Variants in VPS13C observed in about 807,000 individuals in gnomAD.
The protein encoded by VPS13C is vacuolar protein sorting 13 homolog C.
A neutral mutation model predicts 456.8 loss-of-function variants in VPS13C; 358 were observed. That is an observed-to-expected ratio of 0.78 (90% CI 0.72 to 0.86). The LOEUF (loss-of-function observed/expected upper bound fraction) is 0.86. VPS13C is among the 40% of genes least tolerant of loss of function. The pLI, the probability that VPS13C is intolerant of heterozygous loss-of-function variation, is 0.00. For synonymous variants in VPS13C, 1,578 were observed against 1,486.7 expected (o/e 1.06, Z -1.41); for missense variants, 4,818 against 4,385.4 (o/e 1.10, Z -2.79).
intron 11 of VPS13C, among the ~76,000 whole-genome samples, chr15:62,012,524 T>C (rs553401613): frequency 2.6e-5 from 4 of 152,028 alleles, no homozygotes; most frequent in Admixed American, 6.6e-5. Context: ...AGATAGAAGA[T>C]TGAAATTTAT....
At chr15:61,881,043 G>A (rs1895811231) in intron 71 of VPS13C, 89 bp from the exon 72 acceptor site, 1 of 1,016,488 alleles carries the variant, frequency 9.8e-7, no homozygotes, top group Non-Finnish European at 1.4e-6. Context: ...AAAAGCCACA[G>A]TTATATCTTG....
intron 66 of VPS13C, among the ~76,000 whole-genome samples, chr15:61,906,182 G>A (rs1052268963): frequency 3.3e-5 from 5 of 152,102 alleles, no homozygotes; most frequent in African/African-American, 4.8e-5. Flanking sequence ...CCCCTGTCAT[G>A]TCCACTTGGG....
Position 62,041,324 on chromosome 15 carries a change from C to A in VPS13C, c.187G>T (p.Asp63Tyr), listed in dbSNP as rs745369260. ...VPFKVKAGQI[D>Y]KLTLKIPWKN... is the part of the protein sequence containing the mutation. ...TTCAAATGAAGACTAAAGTACTTAC[C>A]AATTTGGCCAGCCTTGACTTTAAAA... Residue 63 changes from aspartate (D) to tyrosine (Y), a missense_variant and splice_region_variant, in exon 3 of 85, where the codon GAT (aspartate) becomes TAT (tyrosine). Asp to Tyr is a radical substitution (Grantham distance 160). Transcript: ENST00000644861. The A allele has an allele frequency of 6.2e-7, 1 of 1,605,962 alleles. No individual in the cohort carries two copies. Among genetic ancestry groups the A allele is most frequent in the African/African-American group, 1.3e-5 (1 of 74,298 alleles).
intron 57 of VPS13C, among the ~76,000 whole-genome samples, chr15:61,919,742 G>C (rs1471661983): frequency 2.7e-5 from 4 of 150,384 alleles, no homozygotes; most frequent in African/African-American, 9.7e-5. Context: ...TGTCAACACT[G>C]TAAGACTTCT....
intron 43 of VPS13C, 49 bp from the exon 44 acceptor site, chr15:61,946,459 A>T: frequency 7.3e-7 from 1 of 1,373,412 alleles, no homozygotes; most frequent in Non-Finnish European, 1.0e-6. Context: ...CCACATGACT[A>T]AGCCAGTGGT....
chr15:61,941,654 G>T, intron 46 of VPS13C, 109 bp downstream of exon 46: 1 of 1,192,088 alleles, frequency 8.4e-7, no homozygotes, highest in Non-Finnish European at 1.1e-6. Flanking sequence ...ATAATTAGAA[G>T]AAATAAGGAA....
rs1265763092 is a variant in VPS13C at position 61,934,321 on chromosome 15, ATCT to A, written c.5763_5765del (p.Glu1921del). The A allele has an allele frequency of 1.3e-6, 2 of 1,548,248 alleles. No individual in the cohort carries two copies. The highest frequency in any genetic ancestry group is 1.9e-5 in the Admixed American group (1 of 53,632). On this transcript the variant is annotated inframe_deletion, in exon 49 of 85. Transcript: ENST00000644861. ...TCATAGAGAGCTTTGAGTCTGTCCA[ATCT>A]TCTTGTTCTAATGGTGAAAATTTAA...
chr15:62,006,004 G>A (rs8042304), intron 15 of VPS13C, among the ~76,000 whole-genome samples: 1,670 of 151,884 alleles, frequency 0.011, 26 homozygotes, highest in African/African-American at 0.038. Context: ...ACGCCCGGCC[G>A]TGTTTCTACC....
In VPS13C at chr15:61,950,375, T is replaced by C. The variant is rs771691929; in HGVS notation, c.4579A>G (p.Thr1527Ala). ...AGTTTTACCTTCAGTCTCTGTTTGG[T>C]ACTGTCATGAATAGTTTTAAATTCT... ...GPEFKTIHDS[T>A]KQRLKVSFAS... is the part of the protein sequence containing the mutation. The change falls in exon 41 of 85, where the codon ACC (threonine) becomes GCC (alanine). Residue 1527 changes from threonine to alanine, a missense_variant. This residue lies in a region of VPS13C where 4,552 missense variants were observed against 4,130.6 expected (regional missense o/e 1.10). Transcript: ENST00000644861. The C allele has an allele frequency of 6.2e-7, 1 of 1,612,280 alleles. No homozygotes were observed. The highest frequency in any genetic ancestry group is 8.5e-7 in the Non-Finnish European group (1 of 1,178,762).
At position 61,994,898 on chromosome 15, in the gene VPS13C, A is replaced by G. The variant is rs374660978; in HGVS notation, c.1354-3096T>C. ...CCATCACATCGGCCTCTATTCAGCT[A>G]TCTTAAATGATGTCAGATAAATGAT... On this transcript the variant is annotated intron_variant, in intron 16 of 84. Transcript: ENST00000644861. Among the ~76,000 whole-genome samples the G allele has an allele frequency of 4.6e-5, 7 of 152,168 alleles. No homozygotes were observed. The East Asian group carries it at 1.2e-3, about 25-fold the overall frequency.
chr15:61,915,029 G>C (rs2043424699), intron 61 of VPS13C, among the ~76,000 whole-genome samples: 1 of 151,908 alleles, frequency 6.6e-6, no homozygotes, highest in South Asian at 2.1e-4. Context: ...TATCAGGCTT[G>C]AGCAGAATGC....
chr15:61,880,722 T>C lies in VPS13C; in HGVS notation c.9889A>G (p.Thr3297Ala). 2 of 1,567,976 alleles carry C rather than the reference T, an allele frequency of 1.3e-6. No individual in the cohort carries two copies. The highest frequency in any genetic ancestry group is 1.4e-5 in the African/African-American group (1 of 72,526). The change falls in exon 73 of 85, where the codon ACA (threonine) becomes GCA (alanine). Residue 3297 changes from threonine (T) to alanine (A), a missense_variant and splice_region_variant. This residue lies in a region of VPS13C where 4,552 missense variants were observed against 4,130.6 expected (regional missense o/e 1.10). Coordinates refer to ENST00000644861, the MANE Select transcript of VPS13C (RefSeq NM_020821.3). The stretch of plus-strand genomic sequence containing the variant: ...TCAATATCTTGTTGGATTAACTTTG[T>C]CTGAAAAAAATAAAATCAAGAATTT... ...TTDPEAERRRTKLIQQDIDAL... is the reference protein window; with the variant it reads ...TTDPEAERRRAKLIQQDIDAL...
intron 24 of VPS13C, among the ~76,000 whole-genome samples, chr15:61,976,569 C>A (rs1428760454): frequency 6.6e-6 from 1 of 151,876 alleles, no homozygotes; most frequent in Admixed American, 6.6e-5. Flanking sequence ...ATTGTCTTAA[C>A]CATGATGATG....
intron 38 of VPS13C, 118 bp from the exon 39 acceptor site, chr15:61,952,098 G>A (rs1481353846): frequency 1.5e-5 from 17 of 1,163,616 alleles, no homozygotes; most frequent in Non-Finnish European, 1.9e-5. Context: ...ATGTTAAGAT[G>A]TGTACTTCTA....
At position 61,966,090 on chromosome 15, in the gene VPS13C, G is replaced by C; in HGVS notation, c.3044C>G (p.Thr1015Arg). Residue 1015 changes from threonine to arginine, a missense_variant, in exon 30 of 85, where the codon ACA becomes AGA. By Grantham distance (71) the Thr-to-Arg change is moderately conservative (BLOSUM62 -1). Around this residue, in one of 3 missense-constraint regions of VPS13C, gnomAD observed 4,552 missense variants for 4,130.6 expected, o/e 1.10. Transcript: ENST00000644861. The part of the protein sequence containing the change: ...FQTAFGKTEQ[T>R]VKVAFSSLNL... Reference sequence around the variant, plus strand: ...TTTAACAGAATTTCTTACCTTAACTGTTTGTTCAGTTTTTCCAAAAGCAGT... The same window carrying C: ...TTTAACAGAATTTCTTACCTTAACTCTTTGTTCAGTTTTTCCAAAAGCAGT... The C allele has an allele frequency of 6.2e-7, 1 of 1,601,154 alleles. No individual in the cohort carries two copies. The highest frequency in any genetic ancestry group is 8.5e-7 in the Non-Finnish European group (1 of 1,172,974).
At chr15:62,028,228 G>A in intron 6 of VPS13C, 130 bp downstream of exon 6, 1 of 872,502 alleles carries the variant, frequency 1.1e-6, no homozygotes, top group Non-Finnish European at 1.8e-6. Context: ...GATGGTAGAG[G>A]GGGAAAACAA....
rs756548459 is a variant in VPS13C, at chr15:61,931,145, G to A, written c.5983C>T (p.Leu1995Phe). The A allele has an allele frequency of 8.7e-6, 14 of 1,613,978 alleles. No homozygotes were observed. The highest frequency in any genetic ancestry group is 1.2e-5 in the Non-Finnish European group (14 of 1,180,040). ...AGATCATCAAGGGTGCATGTCTTAA[G>A]TTTAACGCTGACATTCATTGAGCCA... ...KDGSMNVSVK[L>F]KTCTLDDLRE... Residue 1995 changes from leucine (L) to phenylalanine (F), a missense_variant, in exon 50 of 85, where the codon CTT (leucine) becomes TTT (phenylalanine). By Grantham distance (22) the Leu-to-Phe change is conservative. Transcript: ENST00000644861.
chr15:62,022,843 G>T (rs34088392), intron 8 of VPS13C, among the ~76,000 whole-genome samples: 8,876 of 151,912 alleles, frequency 0.058, 319 homozygotes, highest in Non-Finnish European at 0.079. Context: ...TGTGTTGTAT[G>T]TTAATTAAAA....
At chr15:61,919,578 C>T (rs2043583585) in intron 57 of VPS13C, 129 bp from the exon 58 acceptor site, 4 of 1,002,942 alleles carry the variant, frequency 4.0e-6, no homozygotes, top group African/African-American at 1.7e-5. Context: ...CCACAAATTG[C>T]TTTTCTAAGA....
Sources: allele counts gnomAD v4.1 joint callset (sites outside exome capture counted in the v4.1 genomes callset), GRCh38; gene constraint gnomAD v4.1.1; regional missense constraint gnomAD v4.1.1; transcripts MANE v1.5; gene names NCBI Gene and HGNC (gene_info 2026-07-23, HGNC 2026-07-21).